Variants in ZMAT4 observed in about 807,000 individuals in gnomAD.
ZMAT4 encodes zinc finger matrin-type 4.
Under a neutral mutation model 28.7 loss-of-function variants are expected in ZMAT4, and 17 were observed. The ratio of observed to expected loss-of-function variants is 0.59; its 90% confidence interval spans 0.41 to 0.89. The LOEUF is 0.89. Among genes scored for constraint, ZMAT4 ranks in the 40% least tolerant of loss-of-function variants. ZMAT4 has a pLI of 0.00. For synonymous variants in ZMAT4, 117 were observed against 109.2 expected (o/e 1.07, Z -0.44); for missense variants, 240 against 283.8 (o/e 0.85, Z 1.11).
chr8:40,879,158 G>A (rs1359991914), intron 1 of ZMAT4, among the ~76,000 whole-genome samples: 1 of 152,092 alleles, frequency 6.6e-6, no homozygotes. Context: ...ATGGTGGTGC[G>A]TACCTACAAT....
chr8:40,813,397 C>T (rs1196887871), intron 2 of ZMAT4, among the ~76,000 whole-genome samples: 1 of 152,222 alleles, frequency 6.6e-6, no homozygotes, highest in Non-Finnish European at 1.5e-5. Context: ...GTTCATACAA[C>T]ATAGGCTTTC....
intron 5 of ZMAT4, among the ~76,000 whole-genome samples, chr8:40,640,327 T>C (rs1183131364): frequency 6.6e-6 from 1 of 152,142 alleles, no homozygotes; most frequent in Non-Finnish European, 1.5e-5. Flanking sequence ...ATGTGAAGGC[T>C]AGAATGGTAG....
At chr8:40,587,503 C>T (rs562114808) in intron 5 of ZMAT4, among the ~76,000 whole-genome samples, 5 of 151,976 alleles carry the variant, frequency 3.3e-5, no homozygotes, top group Admixed American at 6.6e-5. Flanking sequence ...AAGAATGGCT[C>T]GGAGTAGAAC....
chr8:40,807,256 AC>A (rs1815126151), intron 2 of ZMAT4, among the ~76,000 whole-genome samples: 1 of 152,064 alleles, frequency 6.6e-6, no homozygotes. Context: ...AGCTTGGTCA[AC>A]ATGGCAAAAC....
chr8:40,752,915 T>G (rs549326222), intron 3 of ZMAT4, among the ~76,000 whole-genome samples: 1 of 152,216 alleles, frequency 6.6e-6, no homozygotes, highest in African/African-American at 2.4e-5. Context: ...CTGGGATACA[T>G]ATGCAGAACG....
At chr8:40,717,378 G>T (rs1810901190) in intron 3 of ZMAT4, among the ~76,000 whole-genome samples, 2 of 152,126 alleles carry the variant, frequency 1.3e-5, no homozygotes, top group Non-Finnish European at 2.9e-5. Context: ...ATTCAGGCAG[G>T]GTACAGTGGC....
intron 4 of ZMAT4, among the ~76,000 whole-genome samples, chr8:40,689,221 C>T (rs78420066): frequency 1.3e-3 from 203 of 152,268 alleles, no homozygotes; most frequent in African/African-American, 4.4e-3. Context: ...AGCTTGTGGA[C>T]GCTGAGAACA....
chr8:40,795,751 T>C (rs1247770887), intron 2 of ZMAT4, among the ~76,000 whole-genome samples: 1 of 152,228 alleles, frequency 6.6e-6, no homozygotes, highest in Non-Finnish European at 1.5e-5. Flanking sequence ...AATCAACATT[T>C]TCCGTTCTGC....
At chr8:40,671,995 C>A (rs1307926609) in intron 5 of ZMAT4, among the ~76,000 whole-genome samples, 1 of 152,044 alleles carries the variant, frequency 6.6e-6, no homozygotes. Flanking sequence ...TATGTGTCTG[C>A]CACTACTCTA....
At chr8:40,647,831 G>T (rs1261708344) in intron 5 of ZMAT4, among the ~76,000 whole-genome samples, 2 of 151,978 alleles carry the variant, frequency 1.3e-5, no homozygotes, top group African/African-American at 2.4e-5. Context: ...CACCTCACAC[G>T]CAGGGTATTC....
intron 5 of ZMAT4, among the ~76,000 whole-genome samples, chr8:40,644,351 G>A (rs1034760735): frequency 6.6e-6 from 1 of 152,020 alleles, no homozygotes; most frequent in African/African-American, 2.4e-5. Context: ...TACAAAATGA[G>A]CCTTGAGCAT....
chr8:40,816,395 T>A (rs1815540759), intron 2 of ZMAT4, among the ~76,000 whole-genome samples: 1 of 152,180 alleles, frequency 6.6e-6, no homozygotes, highest in Admixed American at 6.6e-5. Flanking sequence ...AGAAAGAATT[T>A]TTTTTTTATT....
At chr8:40,733,692 T>C (rs1033468901) in intron 3 of ZMAT4, among the ~76,000 whole-genome samples, 7 of 152,162 alleles carry the variant, frequency 4.6e-5, no homozygotes, top group African/African-American at 1.7e-4. Flanking sequence ...GGATTTCAGA[T>C]AACTATTATA....
At chr8:40,583,788 G>A (rs528539779) in intron 5 of ZMAT4, among the ~76,000 whole-genome samples, 1 of 152,238 alleles carries the variant, frequency 6.6e-6, no homozygotes, top group South Asian at 2.1e-4. Context: ...TTGAGGCGGG[G>A]ACTTCCAGGT....
Position 40,886,967 on chromosome 8 carries a change from C to A in ZMAT4, c.-5+10716G>T, listed in dbSNP as rs13265471. Among the ~76,000 whole-genome samples the A allele has an allele frequency of 2.6e-5, 4 of 151,892 alleles. 1 individual carries two copies. Among genetic ancestry groups the A allele is most frequent in the Admixed American group, 2.6e-4 (4 of 15,258 alleles). Reference sequence around the variant, plus strand: ...CGGGCAGAACACGAGGTCAGGAGATCGAGACCAACCTGGCTAACATGGTGA... The same window carrying A: ...CGGGCAGAACACGAGGTCAGGAGATAGAGACCAACCTGGCTAACATGGTGA... On this transcript the variant is annotated intron_variant, in intron 1 of 6. Coordinates refer to ENST00000297737, the MANE Select transcript of ZMAT4 (RefSeq NM_024645.3).
chr8:40,641,354 C>A (rs565629060), intron 5 of ZMAT4, among the ~76,000 whole-genome samples: 22 of 152,270 alleles, frequency 1.4e-4, no homozygotes, highest in Admixed American at 3.3e-4. Flanking sequence ...GTGGAAAAAA[C>A]ATTTACATTT....
rs193169240 is a variant in ZMAT4 at position 40,615,546 on chromosome 8, G to A, written c.578-34285C>T. Reference sequence around the variant, plus strand: ...TTTCCAACTTGGTTCCATTCTCCCCGTCACTGTCAAGTACACCAATCAGAC... The same window carrying A: ...TTTCCAACTTGGTTCCATTCTCCCCATCACTGTCAAGTACACCAATCAGAC... On this transcript the variant is annotated intron_variant, in intron 5 of 6. Transcript: ENST00000297737. 4.6e-3 allele frequency among the ~76,000 whole-genome samples: 706 copies of A among 152,186 alleles called. 3 individuals carry two copies. The highest frequency in any genetic ancestry group is 0.017 in the Middle Eastern group (5 of 294).
chr8:40,855,281 A>G (rs1011800296), intron 1 of ZMAT4, among the ~76,000 whole-genome samples: 1 of 152,024 alleles, frequency 6.6e-6, no homozygotes. Flanking sequence ...CTGCATCCTA[A>G]CGGAGCCCAC....
chr8:40,866,651 AGAG>A (rs1287578955), intron 1 of ZMAT4, among the ~76,000 whole-genome samples: 1 of 152,166 alleles, frequency 6.6e-6, no homozygotes, highest in Non-Finnish European at 1.5e-5. Flanking sequence ...TGAATAATTA[AGAG>A]GAGGGCAACA....
Sources: gnomAD v4.1 joint callset for allele counts (sites outside exome capture counted in the v4.1 genomes callset) on GRCh38, gnomAD v4.1.1 for gene constraint, MANE v1.5 for transcripts, NCBI Gene and HGNC (gene_info 2026-07-23, HGNC 2026-07-21) for gene names.